SLC44A1: variants seen among roughly 807,000 people sequenced by gnomAD.
The protein encoded by SLC44A1 is choline transporter-like protein 1.
A neutral mutation model predicts 79.3 loss-of-function variants in SLC44A1; 26 were observed. That is an observed-to-expected ratio of 0.33 (90% CI 0.24 to 0.46). The LOEUF (loss-of-function observed/expected upper bound fraction) is 0.46, where lower values mean the gene tolerates loss of function less well. SLC44A1 is among the 20% of genes least tolerant of loss of function. The pLI is 1.00. For missense variants in SLC44A1, 688 were observed against 798.1 expected (o/e 0.86, Z 1.66); for synonymous variants, 263 against 286.2 (o/e 0.92, Z 0.82).
chr9:105,377,523 G>A (rs1359613162), intron 13 of SLC44A1, among the ~76,000 whole-genome samples: 1 of 151,938 alleles, frequency 6.6e-6, no homozygotes, highest in Non-Finnish European at 1.5e-5. Flanking sequence ...GGCCAAGGCG[G>A]GCAGATCACC....
chr9:105,275,794 T>C (rs990934448), intron 1 of SLC44A1, among the ~76,000 whole-genome samples: 17 of 151,884 alleles, frequency 1.1e-4, no homozygotes, highest in African/African-American at 3.6e-4. Flanking sequence ...TGTCACATCA[T>C]GGAAGAACAA....
In SLC44A1 at chr9:105,391,656, C is replaced by T. The variant is rs1337253036; in HGVS notation, c.*2600C>T. 5 of 985,136 alleles carry T rather than the reference C, an allele frequency of 5.1e-6. No individual in the cohort carries two copies. In the African/African-American group the frequency reaches 7.0e-5, roughly 14 times the overall value. The allele number at this position is 985,136 out of a possible 1,614,324, so 61.0% of individuals were successfully genotyped here. ...TGTGTTGAGGTTATGTTTGGATATT[C>T]CTGCTGCCTCTTTTCATTCATTTCA... is the stretch of plus-strand genomic sequence containing the variant. On this transcript the variant is annotated 3_prime_UTR_variant, in exon 16 of 16. Transcript: ENST00000374720.
In SLC44A1 at chr9:105,366,388, T is replaced by G. The variant is rs1297860604; in HGVS notation, c.1453T>G (p.Cys485Gly). 6.5e-7 allele frequency: 1 copy of G among 1,532,028 alleles called. No individual in the cohort carries two copies. Among genetic ancestry groups the G allele is most frequent in the Non-Finnish European group, 8.8e-7 (1 of 1,140,146 alleles). 94.9% of individuals were successfully genotyped at this position (1,532,028 alleles called of 1,614,324 possible). The change falls in exon 12 of 16, where the codon TGC (cysteine) becomes GGC (glycine). Residue 485 changes from cysteine to glycine, a missense_variant. Physicochemically the swap from Cys to Gly is radical, Grantham distance 159. Transcript: ENST00000374720. ...ARCVLKSCIC[C>G]LWCLEKCLNY... is the part of the protein sequence containing the mutation. Reference sequence around the variant, plus strand: ...ATGTGTGCTGAAATCTTGCATTTGTTGCCTTTGGTGTCTTGAAAAGTGCCT... The same window carrying G: ...ATGTGTGCTGAAATCTTGCATTTGTGGCCTTTGGTGTCTTGAAAAGTGCCT...
intron 2 of SLC44A1, chr9:105,299,801 G>A (rs750835981): frequency 6.1e-6 from 6 of 985,768 alleles, no homozygotes; most frequent in African/African-American, 1.7e-5. Flanking sequence ...GGAGATGAAG[G>A]GACCTGGTGG....
intron 15 of SLC44A1, among the ~76,000 whole-genome samples, chr9:105,408,649 G>A (rs150309325): frequency 0.011 from 1,697 of 152,298 alleles, 18 homozygotes; most frequent in Non-Finnish European, 0.016. Flanking sequence ...GACCTCAGGT[G>A]ATCCACCCAC....
intron 1 of SLC44A1, among the ~76,000 whole-genome samples, chr9:105,261,974 G>T (rs564611886): frequency 6.6e-6 from 1 of 151,622 alleles, no homozygotes; most frequent in Non-Finnish European, 1.5e-5. Flanking sequence ...TAGTTGAGAC[G>T]GGGTTTCACC....
At chr9:105,363,619 C>CA (rs1827851706) in intron 9 of SLC44A1, among the ~76,000 whole-genome samples, 1 of 152,102 alleles carries the variant, frequency 6.6e-6, no homozygotes, top group African/African-American at 2.4e-5. Flanking sequence ...TATGCACCAC[C>CA]ATGCCTGGCT....
In SLC44A1 at chr9:105,365,386, A is replaced by AT. The variant is rs373671531; in HGVS notation, c.1254-87dup. On this transcript the variant is annotated intron_variant, in intron 10 of 15. Coordinates refer to ENST00000374720, the MANE Select transcript of SLC44A1 (RefSeq NM_080546.5). ...AAGCTAAAATAAGAATGATGAGCTG[A>AT]TTTTTTTTTTCACTGCGTTGGACTC... The AT allele has an allele frequency of 5.9e-3, 4,820 of 818,720 alleles. 6 individuals are homozygous for AT. The highest frequency in any genetic ancestry group is 0.017 in the African/African-American group (979 of 57,316). 50.7% of individuals were successfully genotyped at this position (818,720 alleles called of 1,614,324 possible).
intron 1 of SLC44A1, among the ~76,000 whole-genome samples, chr9:105,270,761 A>G (rs1355821540): frequency 6.6e-6 from 1 of 152,130 alleles, no homozygotes; most frequent in African/African-American, 2.4e-5. Context: ...TTCTCCCACC[A>G]TAAGCACTGG....
At chr9:105,260,931 C>T (rs1480619981) in intron 1 of SLC44A1, among the ~76,000 whole-genome samples, 1 of 152,090 alleles carries the variant, frequency 6.6e-6, no homozygotes, top group African/African-American at 2.4e-5. Context: ...AATAGATCCT[C>T]AATAAATGTT....
chr9:105,270,808 G>C (rs554586706), intron 1 of SLC44A1, among the ~76,000 whole-genome samples: 2 of 152,278 alleles, frequency 1.3e-5, no homozygotes, highest in Admixed American at 1.3e-4. Flanking sequence ...TATCCCCAGT[G>C]TTAGAACAGT....
chr9:105,302,646 C>G (rs533724966), intron 2 of SLC44A1, among the ~76,000 whole-genome samples: 142 of 151,490 alleles, frequency 9.4e-4, no homozygotes, highest in African/African-American at 3.2e-3. Context: ...ACCACTGTGC[C>G]CAGCCTAGAA....
Position 105,362,806 on chromosome 9 carries a change from A to T in SLC44A1, c.901-15A>T. ...ACTACTTATAATAATAACTGAAACC[A>T]TTCTCTCCATACAGGTGATCTTATT... On this transcript the variant is annotated splice_polypyrimidine_tract_variant and intron_variant, in intron 8 of 15. Coordinates refer to ENST00000374720, the MANE Select transcript of SLC44A1 (RefSeq NM_080546.5). The T allele has an allele frequency of 1.3e-6, 2 of 1,527,694 alleles. No homozygotes were observed. Among genetic ancestry groups the T allele is most frequent in the Non-Finnish European group, 1.8e-6 (2 of 1,138,370 alleles). 94.6% of individuals were successfully genotyped at this position (1,527,694 alleles called of 1,614,324 possible). A position where few individuals can be genotyped will look rare whatever the true frequency, so the allele number is the denominator to read the frequency against.
At chr9:105,284,214 C>T (rs1378505463) in intron 1 of SLC44A1, among the ~76,000 whole-genome samples, 3 of 150,136 alleles carry the variant, frequency 2.0e-5, no homozygotes, top group African/African-American at 7.4e-5. Flanking sequence ...TTCCTATTTT[C>T]TGACAAATAC....
chr9:105,344,742 C>T (rs968444523), intron 4 of SLC44A1, among the ~76,000 whole-genome samples: 2 of 152,034 alleles, frequency 1.3e-5, no homozygotes, highest in South Asian at 2.1e-4. Flanking sequence ...GCATAAGGTT[C>T]GAGTTCTCAA....
intron 13 of SLC44A1, among the ~76,000 whole-genome samples, chr9:105,375,871 A>G (rs1324098422): frequency 6.6e-6 from 1 of 152,208 alleles, no homozygotes; most frequent in African/African-American, 2.4e-5. Context: ...CACTATAACT[A>G]AATAACTTAT....
intron 9 of SLC44A1, 131 bp from the exon 10 acceptor site, chr9:105,364,424 C>G (rs906810802): frequency 6.3e-6 from 4 of 632,302 alleles, no homozygotes; most frequent in African/African-American, 1.8e-5. Flanking sequence ...TATTTTTGTC[C>G]CTTTATGAAA....
chr9:105,270,008 A>G (rs1490684027), intron 1 of SLC44A1, among the ~76,000 whole-genome samples: 1 of 152,210 alleles, frequency 6.6e-6, no homozygotes, highest in Non-Finnish European at 1.5e-5. Flanking sequence ...ATTGAATCCC[A>G]TCCCACTAAA....
chr9:105,288,451 C>T (rs1360935270), intron 1 of SLC44A1, among the ~76,000 whole-genome samples: 4 of 152,136 alleles, frequency 2.6e-5, no homozygotes, highest in African/African-American at 9.7e-5. Context: ...AGGGCTCAAA[C>T]GATTCTACCA....
Sources: allele counts gnomAD v4.1 joint callset (sites outside exome capture counted in the v4.1 genomes callset), GRCh38; gene constraint gnomAD v4.1.1; transcripts MANE v1.5; gene names NCBI Gene and HGNC (gene_info 2026-07-23, HGNC 2026-07-21).